Variants in CRACD observed in about 807,000 individuals in gnomAD.
CRACD encodes capping protein inhibiting regulator of actin dynamics.
A neutral mutation model predicts 106.8 loss-of-function variants in CRACD; 56 were observed. The ratio of observed to expected loss-of-function variants is 0.52; its 90% CI spans 0.42 to 0.66. The LOEUF is 0.66. Ranked by LOEUF, CRACD falls within the 30% of genes least tolerant of loss-of-function variation. CRACD has a pLI of 0.00. For missense variants in CRACD, 1,730 were observed against 1,623.2 expected, an observed-to-expected ratio of 1.07 and a Z score of -1.13; for synonymous variants, 754 against 670.8, an observed-to-expected ratio of 1.12 and a Z score of -1.92.
intron 1 of CRACD, among the ~76,000 whole-genome samples, chr4:56,119,329 C>T (rs1335422119): frequency 6.8e-6 from 1 of 146,760 alleles, no homozygotes; most frequent in Non-Finnish European, 1.5e-5. Flanking sequence ...TATTCTCAGT[C>T]TTTTTTTTTT....
chr4:56,300,502 A>G (rs1234439889), intron 4 of CRACD, among the ~76,000 whole-genome samples: 3 of 152,214 alleles, frequency 2.0e-5, no homozygotes, highest in Non-Finnish European at 4.4e-5. Context: ...AGAAGAGGGA[A>G]GTATGGTGAT....
At chr4:56,137,050 A>T (rs1431679512) in intron 1 of CRACD, among the ~76,000 whole-genome samples, 3 of 152,040 alleles carry the variant, frequency 2.0e-5, no homozygotes, top group Non-Finnish European at 4.4e-5. Flanking sequence ...CTATTTGGGG[A>T]TTTTTTGTTC....
intron 2 of CRACD, among the ~76,000 whole-genome samples, chr4:56,249,785 T>C (rs1283295380): frequency 6.6e-6 from 1 of 152,202 alleles, no homozygotes; most frequent in East Asian, 1.9e-4. Flanking sequence ...CTGGCCATCT[T>C]AGAAAAAAGG....
At chr4:56,149,279 C>T (rs2109888097) in intron 1 of CRACD, among the ~76,000 whole-genome samples, 1 of 152,276 alleles carries the variant, frequency 6.6e-6, no homozygotes, top group South Asian at 2.1e-4. Flanking sequence ...GATCTCAACT[C>T]TGTTTCTATC....
Position 56,274,175 on chromosome 4 carries a change from G to C in CRACD, c.-17+1683G>C, listed in dbSNP as rs116009211. 3.4e-3 allele frequency among the ~76,000 whole-genome samples: 518 copies of C among 152,326 alleles called. 2 individuals carry two copies. Among genetic ancestry groups the C allele is most frequent in the African/African-American group, 0.012 (490 of 41,586 alleles). On this transcript the variant is annotated intron_variant, in intron 3 of 10. Transcript: ENST00000682029. ...CTAGTGCTAACTCACTCAGCTGTTG[G>C]AATGTTGTCCCAGTGGATAGTCAAG...
In CRACD at chr4:56,094,388, T is replaced by C. The variant is rs532049416; in HGVS notation, c.-336+45089T>C. Among the ~76,000 whole-genome samples, 22 of 152,138 alleles carry C rather than the reference T, an allele frequency of 1.4e-4. No individual in the cohort carries two copies. In the South Asian group the frequency reaches 4.1e-3, roughly 29 times the overall value. On this transcript the variant is annotated intron_variant, in intron 1 of 10. Coordinates refer to ENST00000682029, the MANE Select transcript of CRACD (RefSeq NM_001393381.1). ...GAATTCATAAAATGATTTTTATATA[T>C]TTACTTATGTATTCCATAGTTTCAT...
chr4:56,168,540 C>G (rs1736239463), intron 1 of CRACD, among the ~76,000 whole-genome samples: 1 of 151,434 alleles, frequency 6.6e-6, no homozygotes, highest in African/African-American at 2.4e-5. Flanking sequence ...TTATGCTGGT[C>G]TCATAAAATG....
intron 1 of CRACD, among the ~76,000 whole-genome samples, chr4:56,122,224 G>A (rs1430472759): frequency 6.6e-6 from 1 of 150,578 alleles, no homozygotes; most frequent in African/African-American, 2.4e-5. Context: ...GAGGAGATTA[G>A]CGATACTAAA....
intron 2 of CRACD, among the ~76,000 whole-genome samples, chr4:56,221,278 C>A (rs950686260): frequency 6.6e-6 from 1 of 152,094 alleles, no homozygotes; most frequent in African/African-American, 2.4e-5. Context: ...TGAAATACTT[C>A]ACGGAAGAAA....
chr4:56,078,322 T>C (rs993197482), intron 1 of CRACD, among the ~76,000 whole-genome samples: 1 of 152,192 alleles, frequency 6.6e-6, no homozygotes. Context: ...ATTTAACATA[T>C]AGATTAAAAC....
intron 10 of CRACD, among the ~76,000 whole-genome samples, chr4:56,327,028 C>T (rs778865903): frequency 6.6e-6 from 1 of 152,150 alleles, no homozygotes; most frequent in African/African-American, 2.4e-5. Flanking sequence ...GCGTGATCCA[C>T]CACGCCTGGC....
chr4:56,065,254 AT>A (rs1476022860), intron 1 of CRACD, among the ~76,000 whole-genome samples: 3 of 151,534 alleles, frequency 2.0e-5, no homozygotes, highest in African/African-American at 7.3e-5. Context: ...TGCCCAACTA[AT>A]TTTTGTATTT....
intron 2 of CRACD, among the ~76,000 whole-genome samples, chr4:56,228,432 C>A (rs1467640002): frequency 1.3e-5 from 2 of 151,966 alleles, no homozygotes; most frequent in Non-Finnish European, 2.9e-5. Context: ...GTTACATCTA[C>A]CAGACACATG....
Position 56,271,244 on chromosome 4 carries a change from G to GA in CRACD, c.-188-1074dup, listed in dbSNP as rs11427745. On this transcript the variant is annotated intron_variant, in intron 2 of 10. Transcript: ENST00000682029. ...GGTGACTTACACTTTCTTTTCCAAGGAAAGAGTGGAATAACATGAAGGAAT... is the reference window on the plus strand; with the variant it reads ...GGTGACTTACACTTTCTTTTCCAAGGAAAAGAGTGGAATAACATGAAGGAAT... Among the ~76,000 whole-genome samples, 1,515 of 152,252 alleles carry GA rather than the reference G, an allele frequency of 1.0e-2. 11 individuals are homozygous for GA. The highest frequency in any genetic ancestry group is 0.017 in the African/African-American group (718 of 41,534).
chr4:56,114,148 G>T (rs936741445), intron 1 of CRACD, among the ~76,000 whole-genome samples: 2 of 151,724 alleles, frequency 1.3e-5, no homozygotes, highest in South Asian at 2.1e-4. Flanking sequence ...CAATTATGTT[G>T]CCATGGATTT....
At chr4:56,070,207 G>A (rs903012647) in intron 1 of CRACD, among the ~76,000 whole-genome samples, 1 of 151,804 alleles carries the variant, frequency 6.6e-6, no homozygotes, top group African/African-American at 2.4e-5. Flanking sequence ...AGCCAGCTCC[G>A]TCCCTCTCCT....
intron 1 of CRACD, among the ~76,000 whole-genome samples, chr4:56,082,954 C>G (rs1479341886): frequency 6.6e-6 from 1 of 151,848 alleles, no homozygotes; most frequent in Non-Finnish European, 1.5e-5. Context: ...ATAAATAAGT[C>G]AGAGAAAGAT....
chr4:56,188,373 G>A (rs1737174298), intron 2 of CRACD, among the ~76,000 whole-genome samples: 1 of 151,934 alleles, frequency 6.6e-6, no homozygotes. Context: ...TGACATGCTT[G>A]GCCCATCTAG....
At chr4:56,197,835 G>A (rs952610817) in intron 2 of CRACD, among the ~76,000 whole-genome samples, 8 of 151,968 alleles carry the variant, frequency 5.3e-5, no homozygotes, top group African/African-American at 1.9e-4. Flanking sequence ...CCGCCATCAC[G>A]CCCGGCTAAT....
Sources: gnomAD v4.1 joint callset for allele counts (sites outside exome capture counted in the v4.1 genomes callset) on GRCh38, gnomAD v4.1.1 for gene constraint, MANE v1.5 for transcripts, NCBI Gene and HGNC (gene_info 2026-07-23, HGNC 2026-07-21) for gene names.